HS3ST5: variants seen among roughly 807,000 people sequenced by gnomAD.
HS3ST5 encodes the protein heparan sulfate glucosamine 3-O-sulfotransferase 5.
Under a neutral mutation model 25.4 loss-of-function variants are expected in HS3ST5, and 10 were observed. The observed-to-expected ratio is 0.39, with a 90% CI of 0.24 to 0.67. The LOEUF is 0.67. HS3ST5 is among the 30% of genes least tolerant of loss of function. The pLI, the probability that HS3ST5 is intolerant of heterozygous loss-of-function variation, is 0.44. For missense variants in HS3ST5, 324 were observed against 420.7 expected (o/e 0.77, Z 2.01); for synonymous variants, 170 against 162.4 (o/e 1.05, Z -0.36).
intron 1 of HS3ST5, among the ~76,000 whole-genome samples, chr6:114,333,712 C>G (rs1011582781): frequency 1.3e-5 from 2 of 151,934 alleles, no homozygotes; most frequent in African/African-American, 2.4e-5. Flanking sequence ...GTGACACGAT[C>G]TCGGATCACT....
intron 3 of HS3ST5, among the ~76,000 whole-genome samples, chr6:114,098,023 C>G (rs922962605): frequency 6.6e-5 from 10 of 151,930 alleles, no homozygotes; most frequent in Non-Finnish European, 1.2e-4. Context: ...CTACTTCTTT[C>G]ACTAGTATAG....
intron 1 of HS3ST5, among the ~76,000 whole-genome samples, chr6:114,333,858 T>C (rs1436990057): frequency 6.6e-6 from 1 of 152,178 alleles, no homozygotes; most frequent in Non-Finnish European, 1.5e-5. Context: ...TAAGTTGGTA[T>C]CACACATCTA....
rs1217989579 is a variant in HS3ST5, at chr6:114,342,549, G to A, written c.-693C>T. On this transcript the variant is annotated 5_prime_UTR_variant, in exon 1 of 5. Coordinates refer to ENST00000312719, the MANE Select transcript of HS3ST5 (RefSeq NM_153612.4). ...TCCCCGAGAGGCTGGAACCAGGTGCGGCAGGGCGCGCTCCCGTGGCGCGGG... is the reference window on the plus strand; with the variant it reads ...TCCCCGAGAGGCTGGAACCAGGTGCAGCAGGGCGCGCTCCCGTGGCGCGGG... 1.3e-5 allele frequency: 2 copies of A among 154,576 alleles called. No individual in the cohort carries two copies. The highest frequency in any genetic ancestry group is 4.8e-5 in the African/African-American group (2 of 41,436). 9.6% of individuals were successfully genotyped at this position (154,576 alleles called of 1,614,324 possible).
rs150093359 is a variant in HS3ST5 at position 114,281,311 on chromosome 6, T to C, written c.-338-52533A>G. 4.0e-3 allele frequency among the ~76,000 whole-genome samples: 606 copies of C among 152,182 alleles called. 3 individuals are homozygous for C. The highest frequency in any genetic ancestry group is 0.014 in the African/African-American group (569 of 41,552). On this transcript the variant is annotated intron_variant, in intron 1 of 4. Coordinates refer to ENST00000312719, the MANE Select transcript of HS3ST5 (RefSeq NM_153612.4). ...TTTACAAAGTATGCCAGTGTAGTTG[T>C]ATAGTGTCAGATCTAATTCTTGGAA...
At chr6:114,100,871 A>G (rs1266446022) in intron 3 of HS3ST5, among the ~76,000 whole-genome samples, 1 of 152,236 alleles carries the variant, frequency 6.6e-6, no homozygotes, top group Non-Finnish European at 1.5e-5. Context: ...ACGATCTCAC[A>G]GTCAAGATGG....
intron 3 of HS3ST5, among the ~76,000 whole-genome samples, chr6:114,138,513 A>T (rs1308321330): frequency 6.6e-6 from 1 of 152,198 alleles, no homozygotes; most frequent in Admixed American, 6.5e-5. Context: ...CGTTAGGAGA[A>T]GCTGAGTTGG....
chr6:114,306,893 C>T (rs965949458), intron 1 of HS3ST5, among the ~76,000 whole-genome samples: 3 of 152,126 alleles, frequency 2.0e-5, no homozygotes, highest in Non-Finnish European at 2.9e-5. Context: ...ATAGGACATA[C>T]GATCACTTAT....
At chr6:114,256,150 A>T (rs9488353) in intron 1 of HS3ST5, among the ~76,000 whole-genome samples, 3,511 of 152,162 alleles carry the variant, frequency 0.023, 120 homozygotes, top group African/African-American at 0.075. Context: ...GCACTTTGGG[A>T]GGCCAAGGTG....
At chr6:114,098,234 T>A (rs907235859) in intron 3 of HS3ST5, among the ~76,000 whole-genome samples, 2 of 151,952 alleles carry the variant, frequency 1.3e-5, no homozygotes, top group Admixed American at 1.3e-4. Flanking sequence ...TAAAATCATT[T>A]GCTTTCTTTT....
chr6:114,119,830 G>C (rs1776695587), intron 3 of HS3ST5, among the ~76,000 whole-genome samples: 1 of 152,258 alleles, frequency 6.6e-6, no homozygotes, highest in South Asian at 2.1e-4. Flanking sequence ...GTTCAAAGAG[G>C]ACATCGGTCC....
intron 1 of HS3ST5, among the ~76,000 whole-genome samples, chr6:114,241,340 G>T (rs888285071): frequency 1.3e-5 from 2 of 151,922 alleles, no homozygotes; most frequent in African/African-American, 4.8e-5. Flanking sequence ...AGATTAATAC[G>T]GTTAATGTTT....
intron 1 of HS3ST5, among the ~76,000 whole-genome samples, chr6:114,308,367 C>T (rs1369588508): frequency 5.9e-5 from 9 of 152,048 alleles, no homozygotes; most frequent in Admixed American, 4.6e-4. Flanking sequence ...GGGCAGATCA[C>T]GAGGTCAGGA....
intron 1 of HS3ST5, among the ~76,000 whole-genome samples, chr6:114,242,864 A>G (rs1562250062): frequency 6.6e-6 from 1 of 151,434 alleles, no homozygotes; most frequent in Non-Finnish European, 1.5e-5. Flanking sequence ...CGTCTCAAAA[A>G]AAAAAAAAAA....
rs1367656959 is a variant in HS3ST5, at chr6:114,057,686, G to A, written c.612C>T (p.Asn204=). 5.6e-6 allele frequency: 9 copies of A among 1,614,108 alleles called. No homozygotes were observed. The East Asian group carries it at 1.6e-4, about 28-fold the overall frequency. Residue 204 remains asparagine (N), a synonymous_variant, in exon 5 of 5, where the codon AAC becomes AAT. Coordinates refer to ENST00000312719, the MANE Select transcript of HS3ST5 (RefSeq NM_153612.4). ...TQVLEGKERK[N]KTYYKFEKLA... ...GCTTCTCAAACTTGTAATAAGTTTTGTTCTTCCTCTCCTTCCCCTCTAGCA... is the reference window on the plus strand; with the variant it reads ...GCTTCTCAAACTTGTAATAAGTTTTATTCTTCCTCTCCTTCCCCTCTAGCA...
intron 1 of HS3ST5, among the ~76,000 whole-genome samples, chr6:114,335,208 C>T (rs971848784): frequency 2.6e-5 from 4 of 151,538 alleles, no homozygotes; most frequent in African/African-American, 7.3e-5. Context: ...GAAATACTAA[C>T]GGCATATGTC....
At chr6:114,230,322 A>G (rs180832669) in intron 1 of HS3ST5, 1 of 152,176 alleles carries the variant, frequency 6.6e-6, no homozygotes, top group East Asian at 1.9e-4. Context: ...TGACAAAGCT[A>G]TGTATGACAT....
At chr6:114,269,674 T>C (rs113803135) in intron 1 of HS3ST5, among the ~76,000 whole-genome samples, 50 of 152,286 alleles carry the variant, frequency 3.3e-4, no homozygotes, top group African/African-American at 1.2e-3. Context: ...TAATGAAATA[T>C]ACAAGAGTCC....
At chr6:114,077,452 C>G (rs1774202078) in intron 3 of HS3ST5, among the ~76,000 whole-genome samples, 1 of 152,124 alleles carries the variant, frequency 6.6e-6, no homozygotes, top group Non-Finnish European at 1.5e-5. Flanking sequence ...TAAATTTGAC[C>G]TGCTAGGGAG....
At chr6:114,284,707 C>T (rs9488365) in intron 1 of HS3ST5, among the ~76,000 whole-genome samples, 2,876 of 151,010 alleles carry the variant, frequency 0.019, 91 homozygotes, top group African/African-American at 0.066. Flanking sequence ...AGTTTACAGT[C>T]ATAATAGTTA....
Sources: allele counts gnomAD v4.1 joint callset (sites outside exome capture counted in the v4.1 genomes callset), GRCh38; gene constraint gnomAD v4.1.1; transcripts MANE v1.5; gene names NCBI Gene and HGNC (gene_info 2026-07-23, HGNC 2026-07-21).